The following STK33 variants were observed in gnomAD, a reference collection of about 807,000 sequenced individuals.
The protein encoded by STK33 is serine/threonine-protein kinase 33.
STK33 carries 52 observed loss-of-function variants against 58.0 expected under a neutral mutation model. The ratio of observed to expected loss-of-function variants is 0.90; its 90% CI spans 0.72 to 1.13. STK33 has a LOEUF of 1.13. STK33 is among the 50% of genes most tolerant of loss of function. The pLI is 0.00. For missense variants in STK33, 630 were observed against 604.2 expected (o/e 1.04, Z -0.45); for synonymous variants, 215 against 200.1 (o/e 1.07, Z -0.63).
At chr11:8,390,818 C>T (rs1009174474), downstream of STK33, among the ~76,000 whole-genome samples, 9 of 152,156 alleles carry the variant, frequency 5.9e-5, no homozygotes, top group Admixed American at 5.9e-4. Flanking sequence ...TGAGCAGAAT[C>T]GCTAATTTTT....
the STK33 span, among the ~76,000 whole-genome samples, chr11:8,378,378 C>T: frequency 6.6e-6 from 1 of 152,146 alleles, no homozygotes; most frequent in Non-Finnish European, 1.5e-5. Context: ...ATTAGCTGGG[C>T]ATGGTGGTGC....
chr11:8,499,186 G>A (rs1260707727), intron 1 of STK33, among the ~76,000 whole-genome samples: 2 of 152,100 alleles, frequency 1.3e-5, no homozygotes, highest in Non-Finnish European at 2.9e-5. Flanking sequence ...CTACCTATCT[G>A]ACAAAGGGCT....
At chr11:8,579,478 T>A (rs909351091) in intron 1 of STK33, among the ~76,000 whole-genome samples, 7 of 152,024 alleles carry the variant, frequency 4.6e-5, no homozygotes, top group African/African-American at 1.7e-4. Context: ...GATGAGGGAA[T>A]CAGAGCATAT....
At chr11:8,507,401 A>C (rs1307259500) in intron 1 of STK33, among the ~76,000 whole-genome samples, 3 of 152,234 alleles carry the variant, frequency 2.0e-5, no homozygotes, top group South Asian at 4.1e-4. Flanking sequence ...TATGATGAGG[A>C]GTGAATGAGT....
rs953473868 is a variant in STK33 at position 8,535,672 on chromosome 11, T to G, written c.-465-55058A>C. Among the ~76,000 whole-genome samples the G allele has an allele frequency of 2.0e-5, 3 of 152,172 alleles. No homozygotes were observed. The East Asian group carries it at 5.8e-4, about 29-fold the overall frequency. ...AGTACAGCCACTATGGAAAGCAGTATGAAGATTTCTCAAAAACTAAAACTA... is the reference window on the plus strand; with the variant it reads ...AGTACAGCCACTATGGAAAGCAGTAGGAAGATTTCTCAAAAACTAAAACTA... On this transcript the variant is annotated intron_variant, in intron 1 of 15. Coordinates refer to ENST00000687296, the MANE Select transcript of STK33 (RefSeq NM_001352389.2).
chr11:8,430,049 G>A (rs1943235811), intron 14 of STK33, among the ~76,000 whole-genome samples: 1 of 152,152 alleles, frequency 6.6e-6, no homozygotes, highest in Admixed American at 6.5e-5. Context: ...CACAAGCACA[G>A]CAGCAATCAT....
chr11:8,486,034 C>T (rs1448640887), intron 1 of STK33, among the ~76,000 whole-genome samples: 1 of 152,144 alleles, frequency 6.6e-6, no homozygotes, highest in East Asian at 1.9e-4. Flanking sequence ...ATATCACAAT[C>T]CTAGTCCACA....
intron 1 of STK33, among the ~76,000 whole-genome samples, chr11:8,495,919 C>T (rs573083226): frequency 3.6e-4 from 45 of 123,970 alleles, no homozygotes; most frequent in Non-Finnish European, 6.9e-4. Context: ...GAACACAGGG[C>T]GGGGAATATC....
rs570390366 is a variant in STK33 at position 8,474,715 on chromosome 11, T to C, written c.191A>G (p.Asn64Ser). 1.2e-4 allele frequency: 197 copies of C among 1,611,466 alleles called. 4 individuals carry two copies. In the South Asian group the frequency reaches 1.7e-3, roughly 14 times the overall value. The change falls in exon 5 of 16, where the codon AAT (asparagine) becomes AGT (serine). Residue 64 changes from asparagine (N) to serine (S), a missense_variant. Physicochemically the swap from Asn to Ser is conservative, Grantham distance 46. Transcript: ENST00000687296. ...CCTGGAGGTTATATCTCTGTTGATATTTTTTTCTTTTTTTCTCTCCAGTGA... is the reference window on the plus strand; with the variant it reads ...CCTGGAGGTTATATCTCTGTTGATACTTTTTTCTTTTTTTCTCTCCAGTGA... The part of the protein sequence containing the change: ...LISLERKKEK[N>S]INRDITSRKD...
intron 1 of STK33, among the ~76,000 whole-genome samples, chr11:8,539,352 A>G (rs938991321): frequency 6.6e-6 from 1 of 152,156 alleles, no homozygotes; most frequent in Non-Finnish European, 1.5e-5. Flanking sequence ...TCCCTCAGTG[A>G]GGTGATGAAT....
At chr11:8,396,491 C>A (rs1418409552) in intron 15 of STK33, among the ~76,000 whole-genome samples, 1 of 152,202 alleles carries the variant, frequency 6.6e-6, no homozygotes, top group Non-Finnish European at 1.5e-5. Context: ...GAATCTGAGA[C>A]TCAGTGGAGC....
At chr11:8,585,866 C>T (rs191277318) in intron 1 of STK33, among the ~76,000 whole-genome samples, 1 of 152,060 alleles carries the variant, frequency 6.6e-6, no homozygotes, top group African/African-American at 2.4e-5. Context: ...ACCAGCCTGA[C>T]CAACATGGTA....
At position 8,436,078 on chromosome 11, in the gene STK33, T is replaced by C. The variant is rs747141734; in HGVS notation, c.1009A>G (p.Lys337Glu). 2 of 1,597,668 alleles carry C rather than the reference T, an allele frequency of 1.3e-6. No individual in the cohort carries two copies. Among genetic ancestry groups the C allele is most frequent in the Non-Finnish European group, 1.7e-6 (2 of 1,171,878 alleles). ...SEEKLFELIR[K>E]GELHFENAVW... ...GCATTTTCAAAATGTAGTTCTCCTT[T>C]TCTTATTAACTCAAAAAGCTTCTCT... is the stretch of plus-strand genomic sequence containing the variant. The change falls in exon 13 of 16, where the codon AAA becomes GAA. Residue 337 changes from lysine (K) to glutamate (E), a missense_variant. Physicochemically the swap from Lys to Glu is moderately conservative, Grantham distance 56. Coordinates refer to ENST00000687296, the MANE Select transcript of STK33 (RefSeq NM_001352389.2).
chr11:8,365,730 T>C, the STK33 span, among the ~76,000 whole-genome samples: 1 of 152,016 alleles, frequency 6.6e-6, no homozygotes, highest in Non-Finnish European at 1.5e-5. Context: ...TAGGAGGAAG[T>C]AGCCTGGCTC....
chr11:8,402,866 A>G (rs923245090), intron 15 of STK33, among the ~76,000 whole-genome samples: 1 of 152,202 alleles, frequency 6.6e-6, no homozygotes, highest in Non-Finnish European at 1.5e-5. Flanking sequence ...AGATTATCTA[A>G]GTTTTGCGTT....
intron 15 of STK33, among the ~76,000 whole-genome samples, chr11:8,398,616 A>G (rs2135181180): frequency 6.6e-6 from 1 of 152,328 alleles, no homozygotes; most frequent in Middle Eastern, 3.4e-3. Flanking sequence ...TAACAATATT[A>G]ACCTTAAAGG....
chr11:8,485,226 C>T (rs535768709), intron 1 of STK33, among the ~76,000 whole-genome samples: 161 of 152,176 alleles, frequency 1.1e-3, no homozygotes, highest in African/African-American at 3.5e-3. Flanking sequence ...TCCAAAAAGT[C>T]CATGCAGAAG....
At chr11:8,513,986 G>A (rs192793726) in intron 1 of STK33, among the ~76,000 whole-genome samples, 46 of 150,090 alleles carry the variant, frequency 3.1e-4, no homozygotes, top group Non-Finnish European at 5.9e-4. Flanking sequence ...TTCCAGCTCT[G>A]GTAACCATCC....
At chr11:8,505,918 C>T (rs1951832390) in intron 1 of STK33, among the ~76,000 whole-genome samples, 2 of 152,140 alleles carry the variant, frequency 1.3e-5, no homozygotes, top group Admixed American at 6.6e-5. Flanking sequence ...TGTTAGCCTT[C>T]GTTTACTTAC....
Sources: gnomAD v4.1 joint callset for allele counts (sites outside exome capture counted in the v4.1 genomes callset) on GRCh38, gnomAD v4.1.1 for gene constraint, MANE v1.5 for transcripts, NCBI Gene and HGNC (gene_info 2026-07-23, HGNC 2026-07-21) for gene names.